Variants in SIPA1L3 observed in about 807,000 individuals in gnomAD.
The protein encoded by SIPA1L3 is signal-induced proliferation-associated 1-like protein 3.
SIPA1L3 carries 59 observed loss-of-function variants against 150.1 expected under a neutral mutation model. That is an observed-to-expected ratio of 0.39 (90% CI 0.32 to 0.49). The LOEUF is 0.49. SIPA1L3 is among the 20% of genes least tolerant of loss of function. The pLI is 0.86. For synonymous variants in SIPA1L3, 1,070 were observed against 1,077.6 expected (o/e 0.99, Z 0.14); for missense variants, 2,211 against 2,489.5 (o/e 0.89, Z 2.38).
At chr19:38,025,874 C>A (rs995865769) in intron 1 of SIPA1L3, among the ~76,000 whole-genome samples, 16 of 152,124 alleles carry the variant, frequency 1.1e-4, no homozygotes, top group Admixed American at 3.3e-4. Flanking sequence ...GCCCAAGAGG[C>A]CATTTCTGAG....
intron 3 of SIPA1L3, among the ~76,000 whole-genome samples, chr19:38,086,384 G>A (rs571161656): frequency 2.0e-5 from 3 of 152,194 alleles, no homozygotes; most frequent in African/African-American, 7.2e-5. Context: ...CCTGAAAGCT[G>A]TTAAAGAAAA....
intron 1 of SIPA1L3, among the ~76,000 whole-genome samples, chr19:37,939,311 G>T (rs563587058): frequency 1.4e-4 from 20 of 146,250 alleles, no homozygotes; most frequent in Non-Finnish European, 5.9e-5. Flanking sequence ...TGAGGTAGGA[G>T]AATTGCTTGA....
At chr19:38,118,825 C>T (rs900648113) in intron 8 of SIPA1L3, among the ~76,000 whole-genome samples, 3 of 152,130 alleles carry the variant, frequency 2.0e-5, no homozygotes, top group South Asian at 2.1e-4. Context: ...TGAGCCACTG[C>T]GCCCAGCCGA....
intron 2 of SIPA1L3, among the ~76,000 whole-genome samples, chr19:38,072,068 G>A (rs761140421): frequency 1.4e-4 from 21 of 152,238 alleles, no homozygotes; most frequent in African/African-American, 2.7e-4. Flanking sequence ...AGGTCCAGGC[G>A]CTGCCTGTGA....
chr19:37,914,983 C>T (rs1199171011), intron 1 of SIPA1L3, among the ~76,000 whole-genome samples: 1 of 152,194 alleles, frequency 6.6e-6, no homozygotes, highest in East Asian at 1.9e-4. Flanking sequence ...CCATGCTCTT[C>T]ACCTGCATTC....
rs201793156 is a variant in SIPA1L3, at chr19:38,057,647, C to CT, written c.-310-23597dup. On this transcript the variant is annotated intron_variant, in intron 2 of 21. Coordinates refer to ENST00000222345, the MANE Select transcript of SIPA1L3 (RefSeq NM_015073.3). Reference sequence around the variant, plus strand: ...GCATTCCTGGTTCAGAGGGTGAGAACTTTTTTTTTTTTCTTTTGAGACAGA... The same window carrying CT: ...GCATTCCTGGTTCAGAGGGTGAGAACTTTTTTTTTTTTTCTTTTGAGACAGA... 1.3e-3 allele frequency among the ~76,000 whole-genome samples: 191 copies of CT among 145,286 alleles called. 1 individual carries two copies. Among genetic ancestry groups the CT allele is most frequent in the African/African-American group, 3.6e-3 (144 of 40,010 alleles).
At chr19:38,049,867 G>C (rs1320104877) in intron 2 of SIPA1L3, among the ~76,000 whole-genome samples, 3 of 152,012 alleles carry the variant, frequency 2.0e-5, no homozygotes. Context: ...AGGGTGTCAA[G>C]TGGGGTCTCC....
chr19:38,164,821 G>T lies in SIPA1L3; in HGVS notation c.4123G>T (p.Gly1375Cys). 1 of 1,610,598 alleles carries T rather than the reference G, an allele frequency of 6.2e-7. No homozygotes were observed. The highest frequency in any genetic ancestry group is 8.5e-7 in the Non-Finnish European group (1 of 1,178,376). The change falls in exon 15 of 22, where the codon GGC becomes TGC. Residue 1375 changes from glycine to cysteine, a missense_variant. By Grantham distance (159) the Gly-to-Cys change is radical. Coordinates refer to ENST00000222345, the MANE Select transcript of SIPA1L3 (RefSeq NM_015073.3). The surrounding 1 kb of genome is among the most constrained non-coding windows in gnomAD (Gnocchi z 4.1). ...PAPAVAGQSKGYRPKLYSSGS... is the reference protein window; with the variant it reads ...PAPAVAGQSKCYRPKLYSSGS... ...CCCCGCAGTTGCCGGCCAAAGCAAG[G>T]GCTACCGACCGAAGCTGTACTCCTC...
chr19:38,017,672 G>A (rs1182071708), intron 1 of SIPA1L3, among the ~76,000 whole-genome samples: 1 of 152,066 alleles, frequency 6.6e-6, no homozygotes, highest in Non-Finnish European at 1.5e-5. Flanking sequence ...CTACAAGCAT[G>A]TGCCACATGC....
intron 10 of SIPA1L3, 33 bp downstream of exon 10, chr19:38,130,805 G>A: frequency 6.4e-7 from 1 of 1,568,134 alleles, no homozygotes; most frequent in Non-Finnish European, 8.7e-7. Context: ...CAGGTGGTGG[G>A]TGGCAGCTCC....
At position 38,110,233 on chromosome 19, in the gene SIPA1L3, C is replaced by T. The variant is rs1970707525; in HGVS notation, c.2140C>T (p.Arg714Trp). Residue 714 changes from arginine (R) to tryptophan (W), a missense_variant, in exon 8 of 22, where the codon CGG becomes TGG. This residue lies in a region of SIPA1L3 where 625 missense variants were observed against 804.2 expected (regional missense o/e 0.78). Transcript: ENST00000222345. ...YTPNNRQQLL[R>W]KRHIGNDIVT... ...CTCTGTTGCCCTTTCCCAGCTGCTA[C>T]GGAAGAGGCACATAGGAAATGACAT... 2.5e-6 allele frequency: 4 copies of T among 1,613,982 alleles called. No homozygotes were observed. Among genetic ancestry groups the T allele is most frequent in the Non-Finnish European group, 2.5e-6 (3 of 1,179,902 alleles).
chr19:37,998,960 C>T (rs532385989), intron 1 of SIPA1L3, among the ~76,000 whole-genome samples: 2 of 148,106 alleles, frequency 1.4e-5, no homozygotes, highest in East Asian at 2.0e-4. Flanking sequence ...GTTAACAGAA[C>T]AAAAACCAGC....
rs2146001564 is a variant in SIPA1L3, at chr19:38,172,671, A to AGTGGCAGGAGGTCAGCATAGTGAG, written c.4208+7776_4208+7799dup. ...GCTGAAGCAGGTGGGATGGGGGGAG[A>AGTGGCAGGAGGTCAGCATAGTGAG]GTGGCAGGAGGTCAGCATAGTGAGG... On this transcript the variant is annotated intron_variant, in intron 15 of 21. Coordinates refer to ENST00000222345, the MANE Select transcript of SIPA1L3 (RefSeq NM_015073.3). Among the ~76,000 whole-genome samples, 3 of 152,142 alleles carry AGTGGCAGGAGGTCAGCATAGTGAG rather than the reference A, an allele frequency of 2.0e-5. No homozygotes were observed. The South Asian group carries it at 6.2e-4, about 32-fold the overall frequency.
chr19:38,103,652 C>A (rs1187893733), intron 6 of SIPA1L3, among the ~76,000 whole-genome samples: 2 of 149,444 alleles, frequency 1.3e-5, no homozygotes, highest in African/African-American at 4.9e-5. Flanking sequence ...GGGCCGGGCG[C>A]GGTGGTTCAC....
intron 2 of SIPA1L3, among the ~76,000 whole-genome samples, chr19:38,041,760 A>G (rs1271117497): frequency 2.0e-5 from 3 of 151,734 alleles, no homozygotes; most frequent in African/African-American, 4.8e-5. Flanking sequence ...AATTTTTTAT[A>G]GAGACAGGTC....
At position 37,939,814 on chromosome 19, in the gene SIPA1L3, G is replaced by GA. The variant is rs1483802690; in HGVS notation, c.-379+32457dup. Among the ~76,000 whole-genome samples, 3 of 152,336 alleles carry GA rather than the reference G, an allele frequency of 2.0e-5. No homozygotes were observed. In the East Asian group the frequency reaches 5.8e-4, roughly 29 times the overall value. On this transcript the variant is annotated intron_variant, in intron 1 of 21. Coordinates refer to ENST00000222345, the MANE Select transcript of SIPA1L3 (RefSeq NM_015073.3). ...AGATTTGATTGCTAAGTGAAAAGGG[G>GA]AGACTCAATATTGGAGTAGGCAGCC...
intron 8 of SIPA1L3, among the ~76,000 whole-genome samples, chr19:38,111,970 CACACACAT>C (rs1167186801): frequency 1.1e-5 from 1 of 94,468 alleles, no homozygotes; most frequent in East Asian, 2.6e-4. Flanking sequence ...CACGTACATG[CACACACAT>C]GCACACAGGC....
At chr19:38,027,746 A>C (rs1468765122) in intron 1 of SIPA1L3, among the ~76,000 whole-genome samples, 4 of 150,312 alleles carry the variant, frequency 2.7e-5, no homozygotes, top group Admixed American at 6.7e-5. Flanking sequence ...TGAACTTCTG[A>C]GCTCAAATGA....
intron 15 of SIPA1L3, among the ~76,000 whole-genome samples, chr19:38,168,173 G>A (rs1461326738): frequency 2.0e-5 from 3 of 152,140 alleles, no homozygotes; most frequent in Admixed American, 1.3e-4. Flanking sequence ...GATCACCTGA[G>A]GTCAGGAGTT....
Sources: allele counts gnomAD v4.1 joint callset (sites outside exome capture counted in the v4.1 genomes callset), GRCh38; gene constraint gnomAD v4.1.1; regional missense constraint gnomAD v4.1.1; non-coding constraint Gnocchi (gnomAD v3.1); transcripts MANE v1.5; gene names NCBI Gene and HGNC (gene_info 2026-07-23, HGNC 2026-07-21).